Variants in SNX29 observed in about 807,000 individuals in gnomAD.
SNX29 encodes sorting nexin-29.
A neutral mutation model predicts 102.1 loss-of-function variants in SNX29; 78 were observed. The observed-to-expected ratio is 0.76, with a 90% CI of 0.64 to 0.92. The LOEUF (loss-of-function observed/expected upper bound fraction) is 0.92. Ranked by LOEUF, SNX29 falls within the 40% of genes least tolerant of loss-of-function variation. The pLI is 0.00. For missense variants in SNX29, 1,280 were observed against 1,061.7 expected, an observed-to-expected ratio of 1.21 and a Z score of -2.86; for synonymous variants, 580 against 414.5, an observed-to-expected ratio of 1.40 and a Z score of -4.85.
At chr16:12,328,168 C>A (rs1241752566) in intron 15 of SNX29, among the ~76,000 whole-genome samples, 1 of 152,164 alleles carries the variant, frequency 6.6e-6, no homozygotes. Flanking sequence ...TGGCACAGTG[C>A]CTCCCGCAGA....
intron 19 of SNX29, among the ~76,000 whole-genome samples, chr16:12,504,800 G>A (rs1179306396): frequency 6.6e-6 from 1 of 152,196 alleles, no homozygotes; most frequent in Non-Finnish European, 1.5e-5. Context: ...ATAAGGTTTG[G>A]TGCTATCCAC....
intron 12 of SNX29, among the ~76,000 whole-genome samples, chr16:12,129,037 A>G (rs1256435775): frequency 1.3e-5 from 2 of 152,206 alleles, no homozygotes; most frequent in East Asian, 1.9e-4. Context: ...GTAAAATGCT[A>G]TCTCTGCTAT....
chr16:12,080,224 G>C (rs1374802037), intron 11 of SNX29, among the ~76,000 whole-genome samples: 2 of 151,970 alleles, frequency 1.3e-5, no homozygotes, highest in Admixed American at 1.3e-4. Context: ...TTGATAAAAA[G>C]GAAATTAGTT....
intron 1 of SNX29, among the ~76,000 whole-genome samples, chr16:11,981,572 TA>T (rs2055415318): frequency 6.6e-6 from 1 of 152,198 alleles, no homozygotes; most frequent in South Asian, 2.1e-4. Flanking sequence ...TGGTGTGGCA[TA>T]AAGTGTTTTT....
chr16:12,459,037 G>A (rs1233541101), intron 18 of SNX29, among the ~76,000 whole-genome samples: 10 of 58,468 alleles, frequency 1.7e-4, no homozygotes, highest in Non-Finnish European at 3.6e-4. Context: ...CTCCTCCTCC[G>A]CCCCCTCCTG....
intron 19 of SNX29, among the ~76,000 whole-genome samples, chr16:12,501,316 A>G (rs1163974272): frequency 6.6e-6 from 1 of 152,140 alleles, no homozygotes; most frequent in Non-Finnish European, 1.5e-5. Context: ...AGGCAGAAGG[A>G]TTGCTTGAGA....
intron 20 of SNX29, among the ~76,000 whole-genome samples, chr16:12,562,750 T>G (rs958803792): frequency 1.3e-5 from 2 of 152,312 alleles, no homozygotes; most frequent in East Asian, 1.9e-4. Context: ...CATAGTTCCT[T>G]GAGTTTTCAC....
In SNX29 at chr16:12,571,770, G is replaced by T. The variant is rs983772724; in HGVS notation, c.*3141G>T. On this transcript the variant is annotated 3_prime_UTR_variant, in exon 21 of 21. Transcript: ENST00000566228. ...AACCATCCACTCCTGATCTGAGACAGAACCTTCTCCGCCACTCTTCCTGCA... is the reference window on the plus strand; with the variant it reads ...AACCATCCACTCCTGATCTGAGACATAACCTTCTCCGCCACTCTTCCTGCA... 39 of 1,012,340 alleles carry T rather than the reference G, an allele frequency of 3.9e-5. No homozygotes were observed. The highest frequency in any genetic ancestry group is 3.3e-4 in the South Asian group (7 of 20,970). 62.7% of individuals were successfully genotyped at this position (1,012,340 alleles called of 1,614,324 possible).
intron 19 of SNX29, among the ~76,000 whole-genome samples, chr16:12,483,030 G>C (rs1375656422): frequency 6.6e-6 from 1 of 150,426 alleles, no homozygotes; most frequent in Non-Finnish European, 1.5e-5. Context: ...GAAATAGTTG[G>C]CCTGAATATC....
chr16:12,231,279 C>T (rs1158171548), intron 14 of SNX29, among the ~76,000 whole-genome samples: 1 of 152,208 alleles, frequency 6.6e-6, no homozygotes, highest in Non-Finnish European at 1.5e-5. Flanking sequence ...CCATCCAGCT[C>T]ACTAGGGAAA....
intron 13 of SNX29, among the ~76,000 whole-genome samples, chr16:12,144,946 C>T (rs1345233281): frequency 1.3e-5 from 2 of 152,238 alleles, no homozygotes; most frequent in African/African-American, 2.4e-5. Context: ...TGGTCTCTAT[C>T]TCCTGACCTC....
At chr16:12,501,721 T>C (rs2151894513) in intron 19 of SNX29, among the ~76,000 whole-genome samples, 1 of 70,062 alleles carries the variant, frequency 1.4e-5, no homozygotes, top group East Asian at 4.8e-4. Flanking sequence ...CAAGACACTG[T>C]CTCAAAAAAA....
intron 20 of SNX29, among the ~76,000 whole-genome samples, chr16:12,558,113 A>C (rs546493777): frequency 2.0e-5 from 3 of 152,338 alleles, no homozygotes; most frequent in Admixed American, 1.3e-4. Flanking sequence ...ACTGAGAATT[A>C]GAAGACCAGC....
chr16:12,347,885 C>G (rs979559315), intron 15 of SNX29, among the ~76,000 whole-genome samples: 1 of 145,038 alleles, frequency 6.9e-6, no homozygotes, highest in Admixed American at 7.1e-5. Flanking sequence ...CAAGACCAGC[C>G]TGAGAAACGT....
chr16:12,055,883 C>T (rs536934857), intron 8 of SNX29, among the ~76,000 whole-genome samples: 1 of 152,156 alleles, frequency 6.6e-6, no homozygotes, highest in East Asian at 1.9e-4. Flanking sequence ...TCACAAGTGC[C>T]TTTATTCTTT....
intron 18 of SNX29, among the ~76,000 whole-genome samples, chr16:12,441,154 C>G (rs143905080): frequency 0.011 from 1,480 of 140,652 alleles, 13 homozygotes; most frequent in Non-Finnish European, 0.016. Flanking sequence ...GTGGCGCTAT[C>G]TCGGCTCACT....
intron 13 of SNX29, among the ~76,000 whole-genome samples, chr16:12,151,330 C>T (rs1034348841): frequency 2.6e-5 from 4 of 152,140 alleles, no homozygotes; most frequent in Non-Finnish European, 4.4e-5. Context: ...AAATTAGCAA[C>T]AGTCTCTTAA....
intron 13 of SNX29, among the ~76,000 whole-genome samples, chr16:12,183,009 A>G (rs954388698): frequency 6.7e-6 from 1 of 149,140 alleles, no homozygotes; most frequent in Non-Finnish European, 1.5e-5. Context: ...CTCTTTTTTC[A>G]TGGTTGGGGG....
intron 11 of SNX29, among the ~76,000 whole-genome samples, chr16:12,084,110 A>G (rs1325634142): frequency 6.6e-6 from 1 of 152,014 alleles, no homozygotes; most frequent in Non-Finnish European, 1.5e-5. Flanking sequence ...GCCCTCTGGT[A>G]CTTCAGAAAA....
Sources: gnomAD v4.1 joint callset for allele counts (sites outside exome capture counted in the v4.1 genomes callset) on GRCh38, gnomAD v4.1.1 for gene constraint, MANE v1.5 for transcripts, NCBI Gene and HGNC (gene_info 2026-07-23, HGNC 2026-07-21) for gene names.